Variants in URI1 observed in about 807,000 individuals in gnomAD.
URI1 encodes unconventional prefoldin RPB5 interactor 1.
Under a neutral mutation model 60.2 loss-of-function variants are expected in URI1, and 39 were observed. That is an observed-to-expected ratio of 0.65 (90% CI 0.50 to 0.85). The LOEUF is 0.85. Ranked by LOEUF, URI1 falls within the 40% of genes least tolerant of loss-of-function variation. The pLI, the probability that URI1 is intolerant of heterozygous loss-of-function variation, is 0.00. For synonymous variants in URI1, 251 were observed against 236.8 expected (o/e 1.06, Z -0.55); for missense variants, 691 against 665.9 (o/e 1.04, Z -0.42).
intron 1 of URI1, among the ~76,000 whole-genome samples, chr19:29,931,631 C>T (rs2054918146): frequency 6.6e-6 from 1 of 152,166 alleles, no homozygotes; most frequent in Non-Finnish European, 1.5e-5. Flanking sequence ...ACAATATTGT[C>T]TTCCAATCCA....
At chr19:29,959,574 C>G (rs1206699333) in intron 1 of URI1, among the ~76,000 whole-genome samples, 1 of 152,184 alleles carries the variant, frequency 6.6e-6, no homozygotes, top group African/African-American at 2.4e-5. Flanking sequence ...TTTTCTGTTT[C>G]TAGTTATATC....
chr19:29,930,937 A>T (rs981758778), intron 1 of URI1, among the ~76,000 whole-genome samples: 32 of 150,206 alleles, frequency 2.1e-4, no homozygotes, highest in Admixed American at 2.1e-3. Context: ...CGAATTCCTG[A>T]CCTCAAGTGA....
intron 2 of URI1, among the ~76,000 whole-genome samples, chr19:29,979,263 A>C (rs1454590272): frequency 6.6e-6 from 1 of 152,176 alleles, no homozygotes; most frequent in Non-Finnish European, 1.5e-5. Flanking sequence ...TAGTTATAGA[A>C]AATTTGGAAA....
chr19:30,014,803 A>G, intron 10 of URI1, 84 bp from the exon 11 acceptor site: 2 of 1,355,742 alleles, frequency 1.5e-6, no homozygotes, highest in South Asian at 2.9e-5. Context: ...TTTTAATGAA[A>G]AGAATTGCCA....
At chr19:29,983,054 A>C (rs945056796) in intron 2 of URI1, among the ~76,000 whole-genome samples, 1 of 152,152 alleles carries the variant, frequency 6.6e-6, no homozygotes, top group Non-Finnish European at 1.5e-5. Context: ...TTTTTTTGCC[A>C]TTTTATCCAT....
At chr19:29,970,394 T>A (rs1425365625) in intron 1 of URI1, among the ~76,000 whole-genome samples, 1 of 152,062 alleles carries the variant, frequency 6.6e-6, no homozygotes, top group African/African-American at 2.4e-5. Context: ...TAATTAGCAA[T>A]CCTTGAAAAC....
intron 1 of URI1, among the ~76,000 whole-genome samples, chr19:29,949,671 G>A (rs925939588): frequency 3.9e-5 from 6 of 152,216 alleles, no homozygotes; most frequent in Non-Finnish European, 7.3e-5. Flanking sequence ...ACGTCGGGGG[G>A]CCAAGGCTGG....
chr19:30,010,532 G>A (rs1420553531), intron 8 of URI1, among the ~76,000 whole-genome samples: 1 of 152,076 alleles, frequency 6.6e-6, no homozygotes, highest in East Asian at 1.9e-4. Flanking sequence ...AGGTAATAGT[G>A]GTCATTATTG....
intron 1 of URI1, among the ~76,000 whole-genome samples, chr19:29,955,718 T>C (rs574799725): frequency 6.6e-6 from 1 of 151,860 alleles, no homozygotes. Context: ...GCCTCCCAAG[T>C]AGCTGGGATT....
At chr19:29,939,857 G>A (rs145068313), upstream of URI1, among the ~76,000 whole-genome samples, 849 of 152,292 alleles carry the variant, frequency 5.6e-3, 11 homozygotes, top group African/African-American at 0.02. Context: ...TTGAGTGGTA[G>A]GGGGCTTGGT....
intron 4 of URI1, among the ~76,000 whole-genome samples, chr19:29,993,835 A>G (rs958987829): frequency 1.3e-5 from 2 of 152,086 alleles, no homozygotes; most frequent in African/African-American, 4.8e-5. Flanking sequence ...TATTCTGTGC[A>G]TTTACAGCCA....
chr19:29,947,579 T>A (rs1290551938), intron 1 of URI1, among the ~76,000 whole-genome samples: 1 of 152,248 alleles, frequency 6.6e-6, no homozygotes, highest in African/African-American at 2.4e-5. Flanking sequence ...TTGATGACCT[T>A]TTCAGATGTT....
chr19:29,938,445 C>G (rs1238910413), upstream of URI1, among the ~76,000 whole-genome samples: 2 of 152,124 alleles, frequency 1.3e-5, no homozygotes, highest in Admixed American at 1.3e-4. Flanking sequence ...CCCCAAGACC[C>G]AAACACCTCC....
chr19:29,980,544 A>G (rs1407633819), intron 2 of URI1, among the ~76,000 whole-genome samples: 1 of 143,300 alleles, frequency 7.0e-6, no homozygotes. Context: ...GGCATCTCAC[A>G]GTATTTTCTG....
intron 2 of URI1, among the ~76,000 whole-genome samples, chr19:29,974,275 C>T (rs1167680408): frequency 6.6e-6 from 1 of 151,722 alleles, no homozygotes; most frequent in African/African-American, 2.4e-5. Flanking sequence ...CCATATACCT[C>T]TTTTGAAAAT....
chr19:29,950,261 TG>T (rs552349630), intron 1 of URI1, among the ~76,000 whole-genome samples: 3 of 152,138 alleles, frequency 2.0e-5, no homozygotes, highest in South Asian at 2.1e-4. Flanking sequence ...CCCAAAACAC[TG>T]GGGGGAAAGG....
At position 30,009,233 on chromosome 19, in the gene URI1, TGATGACGAC is replaced by T. The variant is rs762956491; in HGVS notation, c.918_926del (p.Asp309_Asp311del). The T allele has an allele frequency of 1.6e-5, 26 of 1,602,576 alleles. No individual in the cohort carries two copies. The highest frequency in any genetic ancestry group is 3.3e-5 in the South Asian group (3 of 90,734). On this transcript the variant is annotated inframe_deletion, in exon 8 of 11. Transcript: ENST00000392271. ...ACAGTGATGATGATGATGATGATGA[TGATGACGAC>T]GACGACGACAACATTGACGACGATG...
At chr19:29,956,959 A>C in intron 1 of URI1, 1 of 937,114 alleles carries the variant, frequency 1.1e-6, no homozygotes, top group Admixed American at 1.7e-5. Flanking sequence ...CTGGAATGTC[A>C]ACAGTCTGAT....
chr19:30,015,435 A>G lies in URI1; in HGVS notation c.*366A>G. 4.7e-6 allele frequency: 7 copies of G among 1,500,832 alleles called. No individual in the cohort carries two copies. In the South Asian group the frequency reaches 9.2e-5, roughly 20 times the overall value. The allele number at this position is 1,500,832 out of a possible 1,614,324, so 93.0% of individuals were successfully genotyped here. ...CTGTGATATTGTGCATACCATATGG[A>G]CCATTTTAAAGAAAATTTTAAAATT... is the stretch of plus-strand genomic sequence containing the variant. On this transcript the variant is annotated 3_prime_UTR_variant, in exon 11 of 11. Coordinates refer to ENST00000392271, the MANE Select transcript of URI1 (RefSeq NM_003796.3).
Sources: gnomAD v4.1 joint callset for allele counts (sites outside exome capture counted in the v4.1 genomes callset) on GRCh38, gnomAD v4.1.1 for gene constraint, MANE v1.5 for transcripts, NCBI Gene and HGNC (gene_info 2026-07-23, HGNC 2026-07-21) for gene names.